CDC42BPA: variants seen among roughly 807,000 people sequenced by gnomAD.
CDC42BPA encodes the protein CDC42 binding protein kinase alpha, also known as serine/threonine-protein kinase MRCK alpha.
A neutral mutation model predicts 223.5 loss-of-function variants in CDC42BPA; 80 were observed. That is an observed-to-expected ratio of 0.36 (90% CI 0.30 to 0.43). The LOEUF is 0.43. Among genes scored for constraint, CDC42BPA ranks in the 20% least tolerant of loss-of-function variants. The pLI is 1.00. For synonymous variants in CDC42BPA, 694 were observed against 718.6 expected (o/e 0.97, Z 0.55); for missense variants, 1,743 against 2,099.9 (o/e 0.83, Z 3.32).
In CDC42BPA at chr1:227,286,294, C is replaced by T. The variant is rs143955859; in HGVS notation, c.178+30711G>A. Among the ~76,000 whole-genome samples, 290 of 152,294 alleles carry T rather than the reference C, an allele frequency of 1.9e-3. 2 individuals are homozygous for T. The highest frequency in any genetic ancestry group is 6.6e-3 in the African/African-American group (273 of 41,562). On this transcript the variant is annotated intron_variant, in intron 1 of 36. Transcript: ENST00000366766. Reference sequence around the variant, plus strand: ...GAAGCAGTCATATCATTCTCGAATGCTTTGGTGCTTAGAAATTTCTTCTGC... The same window carrying T: ...GAAGCAGTCATATCATTCTCGAATGTTTTGGTGCTTAGAAATTTCTTCTGC...
chr1:227,097,174 A>AAC (rs138223552), intron 15 of CDC42BPA, among the ~76,000 whole-genome samples: 4 of 151,734 alleles, frequency 2.6e-5, no homozygotes, highest in East Asian at 1.9e-4. Context: ...TCCATCTTAA[A>AAC]ACACACACAC....
At chr1:227,303,048 T>C (rs540629792) in intron 1 of CDC42BPA, among the ~76,000 whole-genome samples, 8 of 151,818 alleles carry the variant, frequency 5.3e-5, no homozygotes, top group Middle Eastern at 3.4e-3. Context: ...CTGAAAAGTA[T>C]GTTTCATGTG....
In CDC42BPA at chr1:227,086,288, A is replaced by G. The variant is rs1177675528; in HGVS notation, c.2356-5271T>C. On this transcript the variant is annotated intron_variant, in intron 16 of 36. Transcript: ENST00000366766. ...ACTATTATGAGAATATTATGCTATG[A>G]AAATTCATATGTAAGTCTTAAGGGG... Among the ~76,000 whole-genome samples, 9 of 152,180 alleles carry G rather than the reference A, an allele frequency of 5.9e-5. No individual in the cohort carries two copies. In the East Asian group the frequency reaches 1.7e-3, roughly 29 times the overall value.
intron 1 of CDC42BPA, among the ~76,000 whole-genome samples, chr1:227,286,435 TC>T (rs1033444480): frequency 6.6e-6 from 1 of 152,202 alleles, no homozygotes; most frequent in Non-Finnish European, 1.5e-5. Flanking sequence ...GCTCCAGAGT[TC>T]CCAGTAAATT....
rs1229748760 is a variant in CDC42BPA, at chr1:227,112,822, A to G, written c.1739T>C (p.Met580Thr). The G allele has an allele frequency of 2.5e-6, 4 of 1,614,016 alleles. No individual in the cohort carries two copies. Among genetic ancestry groups the G allele is most frequent in the Non-Finnish European group, 2.5e-6 (3 of 1,179,996 alleles). The change falls in exon 13 of 37, where the codon ATG (methionine) becomes ACG (threonine). Residue 580 changes from methionine (M) to threonine (T), a missense_variant. By Grantham distance (81) the Met-to-Thr change is moderately conservative. Around this residue, in one of 6 missense-constraint regions of CDC42BPA, gnomAD observed 464 missense variants for 488.0 expected, o/e 0.95. Transcript: ENST00000366766. ...CQRKLAMQEF[M>T]EINERLTELH... is the part of the protein sequence containing the mutation. ...TTCTGTTAGCCGCTCATTGATCTCC[A>G]TGAATTCCTGCATGGCCAGTTTCCT...
chr1:227,203,838 T>G (rs1476140058), intron 3 of CDC42BPA, among the ~76,000 whole-genome samples: 1 of 152,204 alleles, frequency 6.6e-6, no homozygotes, highest in South Asian at 2.1e-4. Flanking sequence ...AATGCCTATC[T>G]TGAAACACAA....
chr1:227,277,611 C>T (rs1393397182), intron 1 of CDC42BPA, among the ~76,000 whole-genome samples: 1 of 152,134 alleles, frequency 6.6e-6, no homozygotes, highest in Non-Finnish European at 1.5e-5. Context: ...ATGTTAATCA[C>T]CACATAATGG....
intron 2 of CDC42BPA, among the ~76,000 whole-genome samples, chr1:227,229,224 C>A (rs1216427971): frequency 2.0e-5 from 3 of 152,238 alleles, no homozygotes; most frequent in South Asian, 2.1e-4. Flanking sequence ...CAACTTCATT[C>A]TTTCACATGT....
intron 31 of CDC42BPA, among the ~76,000 whole-genome samples, chr1:227,024,140 C>T (rs1667841045): frequency 6.6e-6 from 1 of 152,050 alleles, no homozygotes; most frequent in Non-Finnish European, 1.5e-5. Context: ...AAAATATGGC[C>T]AATCCAATAG....
At chr1:227,052,904 T>C (rs778708579) in intron 21 of CDC42BPA, among the ~76,000 whole-genome samples, 4 of 152,180 alleles carry the variant, frequency 2.6e-5, no homozygotes, top group Non-Finnish European at 5.9e-5. Context: ...TTGAGACTGC[T>C]GGCAAAGTAG....
At chr1:227,092,068 T>G (rs1683176214) in intron 15 of CDC42BPA, 77 bp from the exon 16 acceptor site, 1 of 770,840 alleles carries the variant, frequency 1.3e-6, no homozygotes, top group African/African-American at 1.7e-5. Flanking sequence ...TTTCCAATAG[T>G]TACATAAAAC....
At position 227,274,189 on chromosome 1, in the gene CDC42BPA, A is replaced by G. The variant is rs73098336; in HGVS notation, c.179-20034T>C. Among the ~76,000 whole-genome samples, 830 of 152,162 alleles carry G rather than the reference A, an allele frequency of 5.5e-3. 9 individuals are homozygous for G. The highest frequency in any genetic ancestry group is 0.019 in the African/African-American group (782 of 41,488). On this transcript the variant is annotated intron_variant, in intron 1 of 36. Transcript: ENST00000366766. ...TGAATAGGGTAGTAGAGATGCAAGG[A>G]GTGAAGGAAAGGAACCCCCCAGTGG...
At chr1:227,129,006 C>T in intron 11 of CDC42BPA, 103 bp downstream of exon 11, 1 of 778,298 alleles carries the variant, frequency 1.3e-6, no homozygotes, top group South Asian at 1.9e-5. Context: ...ATGCAACTCA[C>T]ATCACATAAC....
intron 5 of CDC42BPA, among the ~76,000 whole-genome samples, chr1:227,173,082 T>TA (rs1327820963): frequency 2.6e-5 from 4 of 152,132 alleles, no homozygotes; most frequent in African/African-American, 9.7e-5. Flanking sequence ...TAGTGACAGA[T>TA]AAAAGGAGGA....
chr1:227,030,110 G>A (rs1352072528), intron 29 of CDC42BPA, among the ~76,000 whole-genome samples: 1 of 149,446 alleles, frequency 6.7e-6, no homozygotes, highest in Admixed American at 6.7e-5. Flanking sequence ...TCCAGCCTGG[G>A]CAGCAAGAGT....
At chr1:227,030,619 T>C in intron 28 of CDC42BPA, 149 bp from the exon 29 acceptor site, 1 of 529,944 alleles carries the variant, frequency 1.9e-6, no homozygotes, top group Non-Finnish European at 3.3e-6. Flanking sequence ...ATTATACTGG[T>C]AAATCTCTCA....
chr1:227,054,113 T>C (rs531545304), intron 21 of CDC42BPA, among the ~76,000 whole-genome samples: 36 of 151,398 alleles, frequency 2.4e-4, no homozygotes, highest in African/African-American at 8.8e-4. Context: ...AAGAAAATTG[T>C]AAAGTTTCTG....
At chr1:227,031,560 C>A (rs766434362) in intron 27 of CDC42BPA, 46 bp from the exon 28 acceptor site, 3 of 1,462,212 alleles carry the variant, frequency 2.1e-6, no homozygotes, top group South Asian at 2.3e-5. Context: ...AACAGACACC[C>A]TTTATGCTAG....
chr1:227,198,569 G>A (rs1477917634), intron 4 of CDC42BPA, among the ~76,000 whole-genome samples: 1 of 151,862 alleles, frequency 6.6e-6, no homozygotes, highest in African/African-American at 2.4e-5. Flanking sequence ...CTATAAGCAT[G>A]TAAGGGATAT....
Sources: allele counts gnomAD v4.1 joint callset (sites outside exome capture counted in the v4.1 genomes callset), GRCh38; gene constraint gnomAD v4.1.1; regional missense constraint gnomAD v4.1.1; transcripts MANE v1.5; gene names NCBI Gene and HGNC (gene_info 2026-07-23, HGNC 2026-07-21).